Variants in CCR7 observed in about 807,000 individuals in gnomAD.
CCR7 encodes C-C chemokine receptor type 7.
CCR7 carries 11 observed loss-of-function variants against 26.0 expected under a neutral mutation model. The ratio of observed to expected loss-of-function variants is 0.42; its 90% CI spans 0.27 to 0.70. The LOEUF (loss-of-function observed/expected upper bound fraction) is 0.70. CCR7 is among the 30% of genes least tolerant of loss of function. The probability of loss-of-function intolerance (pLI) is 0.23; values close to 1 mark genes in which losing one functional copy is unlikely to be tolerated. For missense variants in CCR7, 360 were observed against 504.0 expected (o/e 0.71, Z 2.74); for synonymous variants, 189 against 202.1 (o/e 0.94, Z 0.55).
chr17:40,558,000 G>T (rs2036611869), intron 2 of CCR7, among the ~76,000 whole-genome samples: 1 of 152,206 alleles, frequency 6.6e-6, no homozygotes, highest in Non-Finnish European at 1.5e-5. Context: ...TGCAGCCCAG[G>T]CTCCGGGGGG....
intron 1 of CCR7, among the ~76,000 whole-genome samples, chr17:40,559,635 C>T (rs1160837697): frequency 6.6e-6 from 1 of 152,156 alleles, no homozygotes; most frequent in African/African-American, 2.4e-5. Flanking sequence ...GACTGTTGGT[C>T]CACTGGGCGC....
chr17:40,558,654 G>A (rs2036618646), intron 2 of CCR7, among the ~76,000 whole-genome samples: 5 of 152,288 alleles, frequency 3.3e-5, no homozygotes, highest in Admixed American at 2.6e-4. Flanking sequence ...AGGGAAGGTG[G>A]TAAGTTATTT....
chr17:40,555,118 C>T lies in CCR7; in HGVS notation c.761G>A (p.Arg254His), dbSNP rs764674952. The T allele has an allele frequency of 4.3e-6, 7 of 1,614,108 alleles. No individual in the cohort carries two copies. The highest frequency in any genetic ancestry group is 2.7e-5 in the African/African-American group (2 of 75,022). ...GATGGCCTTGTTGCGCTCAAAGTTG[C>T]GTGCCTGGAGCAGGGTGCGGATGAT... is the stretch of plus-strand genomic sequence containing the variant. ...LVIIRTLLQA[R>H]NFERNKAIKV... Residue 254 changes from arginine (R) to histidine (H), a missense_variant, in exon 3 of 3, where the codon CGC becomes CAC. Physicochemically the swap from Arg to His is conservative, Grantham distance 29 (BLOSUM62 0). Transcript: ENST00000246657. The surrounding 1 kb of genome is among the most constrained non-coding windows in gnomAD (Gnocchi z 5.6).
intron 1 of CCR7, among the ~76,000 whole-genome samples, chr17:40,563,194 T>A (rs2036672259): frequency 6.6e-6 from 1 of 152,152 alleles, no homozygotes; most frequent in Admixed American, 6.5e-5. Context: ...CCTGAATCCC[T>A]CAAACAATGA....
intron 1 of CCR7, 87 bp from the exon 2 acceptor site, chr17:40,559,029 G>C: frequency 9.0e-7 from 1 of 1,112,550 alleles, no homozygotes; most frequent in South Asian, 1.5e-5. Context: ...GACGCTGTTG[G>C]GAACTTTCCT....
intron 1 of CCR7, among the ~76,000 whole-genome samples, chr17:40,563,803 A>G (rs1455103819): frequency 1.3e-5 from 2 of 152,076 alleles, no homozygotes; most frequent in Admixed American, 1.3e-4. Flanking sequence ...CCCTAAACCT[A>G]GTCTGGGGTA....
intron 1 of CCR7, among the ~76,000 whole-genome samples, chr17:40,560,001 G>A (rs2036636847): frequency 6.6e-6 from 1 of 152,036 alleles, no homozygotes. Flanking sequence ...GTGAAAGGGG[G>A]AACAGGGTCA....
chr17:40,554,372 T>TG lies in CCR7; in HGVS notation c.*369_*370insC. ...TTTGAGTCTGTGGGAGGCCAGAAGG[T>TG]TCATTCAGAGGACTCTTCAGGCCAC... is the stretch of plus-strand genomic sequence containing the variant. On this transcript the variant is annotated 3_prime_UTR_variant, in exon 3 of 3. Transcript: ENST00000246657. 4 of 193,220 alleles carry TG rather than the reference T, an allele frequency of 2.1e-5. No homozygotes were observed. The highest frequency in any genetic ancestry group is 1.3e-4 in the South Asian group (1 of 7,432). 12.0% of individuals were successfully genotyped at this position (193,220 alleles called of 1,614,324 possible). A position where few individuals can be genotyped will look rare whatever the true frequency, so the allele number is the denominator to read the frequency against.
rs560751811 is a variant in CCR7, at chr17:40,559,370, A to G, written c.11-428T>C. 2.2e-3 allele frequency among the ~76,000 whole-genome samples: 341 copies of G among 152,284 alleles called. 1 individual carries two copies. The highest frequency in any genetic ancestry group is 7.8e-3 in the African/African-American group (326 of 41,544). On this transcript the variant is annotated intron_variant, in intron 1 of 2. Transcript: ENST00000246657. ...CTATGAGGTCGTGGGGTAGGTGCAC[A>G]CGTTTCCAGCCCTGCTTTGGTGCTG...
chr17:40,556,566 T>C (rs2143907907), intron 2 of CCR7, among the ~76,000 whole-genome samples: 1 of 152,278 alleles, frequency 6.6e-6, no homozygotes, highest in Non-Finnish European at 1.5e-5. Flanking sequence ...TTCTCTTCTG[T>C]GAAATGGAGA....
At chr17:40,557,417 T>C (rs1038787039) in intron 2 of CCR7, among the ~76,000 whole-genome samples, 2 of 152,230 alleles carry the variant, frequency 1.3e-5, no homozygotes, top group Admixed American at 6.5e-5. Context: ...CTTGTCTCTA[T>C]CTCTTTTTCA....
At position 40,565,315 on chromosome 17, in the gene CCR7, G is replaced by A. The variant is rs545363914; in HGVS notation, c.10+85C>T. 79 of 1,201,172 alleles carry A rather than the reference G, an allele frequency of 6.6e-5. No homozygotes were observed. In the South Asian group the frequency reaches 7.2e-4, roughly 11 times the overall value. 74.4% of individuals were successfully genotyped at this position (1,201,172 alleles called of 1,614,324 possible). ...GGAAGCACCCCTATGCGCTCCACCC[G>A]CATCCTCCACCCCCATTCCACAGGG... On this transcript the variant is annotated intron_variant, in intron 1 of 2. Coordinates refer to ENST00000246657, the MANE Select transcript of CCR7 (RefSeq NM_001838.4).
chr17:40,555,919 T>TC lies in CCR7; in HGVS notation c.61-102_61-101insG. 1.3e-6 allele frequency: 1 copy of TC among 793,804 alleles called. No individual in the cohort carries two copies. The highest frequency in any genetic ancestry group is 2.0e-6 in the Non-Finnish European group (1 of 495,462). The allele number at this position is 793,804 out of a possible 1,614,324, so 49.2% of individuals were successfully genotyped here. A position where few individuals can be genotyped will look rare whatever the true frequency, so the allele number is the denominator to read the frequency against. ...GCAGTGGTTTCTTTCTTTTTTTTTT[T>TC]TCTTGAGACATGGTCTCACTCTGTT... On this transcript the variant is annotated intron_variant, in intron 2 of 2. Coordinates refer to ENST00000246657, the MANE Select transcript of CCR7 (RefSeq NM_001838.4). The surrounding 1 kb of genome is among the most constrained non-coding windows in gnomAD (Gnocchi z 5.6).
At chr17:40,556,525 G>GTC (rs376263247) in intron 2 of CCR7, among the ~76,000 whole-genome samples, 15,045 of 150,280 alleles carry the variant, frequency 0.1, 812 homozygotes, top group South Asian at 0.16. Flanking sequence ...AACTCTTTCT[G>GTC]TCTCTCTCTC....
At position 40,555,992 on chromosome 17, in the gene CCR7, GC is replaced by G. The variant is rs1480829255; in HGVS notation, c.61-175del. ...GCAATCATGGCTCCCTGCAGCCTCG[GC>G]CTCTCCAGGCTCAGGTGATCCTTCC... On this transcript the variant is annotated intron_variant, in intron 2 of 2. Coordinates refer to ENST00000246657, the MANE Select transcript of CCR7 (RefSeq NM_001838.4). This position sits in a 1 kb window ranked among gnomAD's most constrained non-coding sequence, Gnocchi z 5.6. 6.6e-6 allele frequency among the ~76,000 whole-genome samples: 1 copy of G among 151,936 alleles called. No individual in the cohort carries two copies. The highest frequency in any genetic ancestry group is 1.5e-5 in the Non-Finnish European group (1 of 67,980).
At chr17:40,559,030 G>T in intron 1 of CCR7, 88 bp from the exon 2 acceptor site, 1 of 1,106,916 alleles carries the variant, frequency 9.0e-7, no homozygotes, top group Non-Finnish European at 1.3e-6. Context: ...ACGCTGTTGG[G>T]AACTTTCCTC....
rs187976377 is a variant in CCR7 at position 40,564,615 on chromosome 17, C to A, written c.10+785G>T. On this transcript the variant is annotated intron_variant, in intron 1 of 2. Transcript: ENST00000246657. Reference sequence around the variant, plus strand: ...GAACACCCTCAGTGCTTCCCCTTGACCCCTTCTAGGTTAGACCTGAGAAAG... The same window carrying A: ...GAACACCCTCAGTGCTTCCCCTTGAACCCTTCTAGGTTAGACCTGAGAAAG... Among the ~76,000 whole-genome samples the A allele has an allele frequency of 2.0e-4, 31 of 152,308 alleles. No individual in the cohort carries two copies. In the East Asian group the frequency reaches 6.0e-3, roughly 29 times the overall value.
At chr17:40,556,740 G>C (rs2036591160) in intron 2 of CCR7, among the ~76,000 whole-genome samples, 1 of 152,138 alleles carries the variant, frequency 6.6e-6, no homozygotes, top group African/African-American at 2.4e-5. Flanking sequence ...AGTTTTCCAG[G>C]GGGCTTACAA....
intron 1 of CCR7, among the ~76,000 whole-genome samples, chr17:40,564,211 A>T (rs1291967981): frequency 2.0e-5 from 3 of 152,170 alleles, no homozygotes; most frequent in African/African-American, 4.8e-5. Flanking sequence ...GATACGGTGT[A>T]TTCATTCATT....
Sources: gnomAD v4.1 joint callset for allele counts (sites outside exome capture counted in the v4.1 genomes callset) on GRCh38, gnomAD v4.1.1 for gene constraint, Gnocchi (gnomAD v3.1) non-coding constraint, MANE v1.5 for transcripts, NCBI Gene and HGNC (gene_info 2026-07-23, HGNC 2026-07-21) for gene names.